Variants in PRIMA1 observed in about 807,000 individuals in gnomAD.
The protein encoded by PRIMA1 is proline-rich membrane anchor 1.
PRIMA1 carries 7 observed loss-of-function variants against 17.5 expected under a neutral mutation model. The observed-to-expected ratio is 0.40, with a 90% confidence interval of 0.23 to 0.75. The LOEUF (loss-of-function observed/expected upper bound fraction) is 0.75, where lower values mean the gene tolerates loss of function less well. PRIMA1 is among the 30% of genes least tolerant of loss of function. The pLI, the probability that PRIMA1 is intolerant of heterozygous loss-of-function variation, is 0.37. For synonymous variants in PRIMA1, 97 were observed against 77.9 expected (o/e 1.25, Z -1.29); for missense variants, 200 against 201.8 (o/e 0.99, Z 0.05).
At chr14:93,786,802 A>G (rs1885537986) in intron 2 of PRIMA1, among the ~76,000 whole-genome samples, 1 of 152,214 alleles carries the variant, frequency 6.6e-6, no homozygotes, top group Admixed American at 6.5e-5. Context: ...GGTTAATTTC[A>G]TCATGGACCT....
intron 2 of PRIMA1, among the ~76,000 whole-genome samples, chr14:93,781,010 G>A (rs537902218): frequency 3.8e-4 from 58 of 152,348 alleles, no homozygotes; most frequent in Non-Finnish European, 6.0e-4. Context: ...GAGCCCCCCG[G>A]GGCTGGGAGG....
Position 93,726,176 on chromosome 14 carries a change from G to A in PRIMA1, c.360-4630C>T, listed in dbSNP as rs1282615481. Among the ~76,000 whole-genome samples the A allele has an allele frequency of 3.3e-5, 5 of 152,154 alleles. No homozygotes were observed. Among genetic ancestry groups the A allele is most frequent in the Non-Finnish European group, 5.9e-5 (4 of 68,014 alleles). On this transcript the variant is annotated intron_variant, in intron 4 of 4. Coordinates refer to ENST00000393140, the MANE Select transcript of PRIMA1 (RefSeq NM_178013.4). This position sits in a 1 kb window ranked among gnomAD's most constrained non-coding sequence, Gnocchi z 4.2. ...GAGTGCCGCGCGGACAGCTCCAGCC[G>A]CACATGCCAGCAGCCACGAGGGGCC...
intron 3 of PRIMA1, among the ~76,000 whole-genome samples, chr14:93,747,657 T>A (rs2076228266): frequency 7.0e-6 from 1 of 142,534 alleles, no homozygotes; most frequent in Admixed American, 7.1e-5. Flanking sequence ...TGTGTATGAG[T>A]GTGTGAGAGT....
intron 2 of PRIMA1, among the ~76,000 whole-genome samples, chr14:93,784,368 G>A (rs1885462933): frequency 1.3e-5 from 2 of 152,028 alleles, no homozygotes; most frequent in Non-Finnish European, 2.9e-5. Context: ...TGGTTTTGCT[G>A]TGTTGTCCAG....
chr14:93,743,570 A>G (rs11160137), intron 3 of PRIMA1, among the ~76,000 whole-genome samples: 127,241 of 152,266 alleles, frequency 0.84, 53,871 homozygotes, highest in Middle Eastern at 0.91. Context: ...ATCAACCTCC[A>G]TCTCCCTCAA....
At chr14:93,784,806 G>A (rs960868007) in intron 2 of PRIMA1, among the ~76,000 whole-genome samples, 1 of 152,178 alleles carries the variant, frequency 6.6e-6, no homozygotes, top group Non-Finnish European at 1.5e-5. Flanking sequence ...CTCTCTTGAT[G>A]ATAATTACTT....
Position 93,783,515 on chromosome 14 carries a change from G to A in PRIMA1, c.93+4111C>T, listed in dbSNP as rs549021771. 2.6e-5 allele frequency among the ~76,000 whole-genome samples: 4 copies of A among 151,886 alleles called. No individual in the cohort carries two copies. The East Asian group carries it at 5.8e-4, about 22-fold the overall frequency. On this transcript the variant is annotated intron_variant, in intron 2 of 4. Transcript: ENST00000393140. ...TCTGGAGCTTGTCCCAACACCTGGC[G>A]TTTGGTTTCTATCTTGGGGAATTTC...
At chr14:93,746,532 G>A (rs1050374765) in intron 3 of PRIMA1, among the ~76,000 whole-genome samples, 2 of 152,096 alleles carry the variant, frequency 1.3e-5, no homozygotes, top group African/African-American at 2.4e-5. Flanking sequence ...AGGGAGTCGC[G>A]AGGGGAGACT....
chr14:93,747,341 C>T (rs934680382), intron 3 of PRIMA1, among the ~76,000 whole-genome samples: 1 of 152,182 alleles, frequency 6.6e-6, no homozygotes, highest in African/African-American at 2.4e-5. Flanking sequence ...GTGGCAGTTG[C>T]TGCTGGCCGC....
intron 3 of PRIMA1, among the ~76,000 whole-genome samples, chr14:93,745,661 C>T (rs1004425341): frequency 4.6e-5 from 7 of 152,356 alleles, no homozygotes; most frequent in African/African-American, 1.7e-4. Context: ...CCTTCAACCC[C>T]CTCTCCACCT....
chr14:93,728,344 G>A (rs536273442), intron 4 of PRIMA1, among the ~76,000 whole-genome samples: 3 of 152,352 alleles, frequency 2.0e-5, no homozygotes, highest in Admixed American at 6.5e-5. Context: ...AGAGAATAGC[G>A]GGAGGCCTGG....
At chr14:93,729,167 G>A (rs1344017349) in intron 4 of PRIMA1, among the ~76,000 whole-genome samples, 2 of 152,352 alleles carry the variant, frequency 1.3e-5, no homozygotes, top group South Asian at 4.1e-4. Flanking sequence ...AAGCACAGGT[G>A]CCAGCTCCTT....
chr14:93,739,676 G>A (rs145357190), intron 3 of PRIMA1, among the ~76,000 whole-genome samples: 27 of 152,208 alleles, frequency 1.8e-4, no homozygotes, highest in African/African-American at 6.5e-4. Context: ...GGAGATCCAG[G>A]GAGCCACTAT....
At chr14:93,777,990 A>G (rs1334501707) in intron 3 of PRIMA1, among the ~76,000 whole-genome samples, 1 of 152,240 alleles carries the variant, frequency 6.6e-6, no homozygotes, top group Non-Finnish European at 1.5e-5. Flanking sequence ...CTCCAAGAGT[A>G]GGTGCAGGCC....
At chr14:93,754,241 G>T (rs983944703) in intron 3 of PRIMA1, among the ~76,000 whole-genome samples, 5 of 152,184 alleles carry the variant, frequency 3.3e-5, no homozygotes, top group Non-Finnish European at 7.3e-5. Context: ...GTGAGAACAA[G>T]CTCAACGAAG....
intron 4 of PRIMA1, among the ~76,000 whole-genome samples, chr14:93,730,317 G>A (rs1227983063): frequency 6.6e-6 from 1 of 152,224 alleles, no homozygotes; most frequent in Non-Finnish European, 1.5e-5. Flanking sequence ...TAAATTCAGG[G>A]ACAGCTATAA....
At chr14:93,750,452 C>T (rs1009158548) in intron 3 of PRIMA1, among the ~76,000 whole-genome samples, 5 of 152,194 alleles carry the variant, frequency 3.3e-5, no homozygotes, top group Non-Finnish European at 5.9e-5. Flanking sequence ...TCAGGTAGAA[C>T]GTGCTCTGTC....
intron 4 of PRIMA1, among the ~76,000 whole-genome samples, chr14:93,735,161 G>A (rs1177368325): frequency 2.6e-5 from 4 of 152,198 alleles, no homozygotes; most frequent in Non-Finnish European, 5.9e-5. Flanking sequence ...TCTCCCAGGG[G>A]AAGTGGGGCG....
chr14:93,757,047 C>A (rs191954354), intron 3 of PRIMA1, among the ~76,000 whole-genome samples: 2 of 152,242 alleles, frequency 1.3e-5, no homozygotes, highest in Admixed American at 6.5e-5. Context: ...ATGGCCTTTG[C>A]GAAATATTTC....
Sources: allele counts gnomAD v4.1 joint callset (sites outside exome capture counted in the v4.1 genomes callset), GRCh38; gene constraint gnomAD v4.1.1; non-coding constraint Gnocchi (gnomAD v3.1); transcripts MANE v1.5; gene names NCBI Gene and HGNC (gene_info 2026-07-23, HGNC 2026-07-21).